Variants in MARCHF3 observed in about 807,000 individuals in gnomAD.
MARCHF3 encodes E3 ubiquitin-protein ligase MARCHF3.
MARCHF3 carries 13 observed loss-of-function variants against 24.2 expected under a neutral mutation model. That is an observed-to-expected ratio of 0.54 (90% confidence interval 0.35 to 0.85). The LOEUF is 0.85. Ranked by LOEUF, MARCHF3 falls within the 40% of genes least tolerant of loss-of-function variation. The pLI is 0.01. For missense variants in MARCHF3, 276 were observed against 325.0 expected (o/e 0.85, Z 1.16); for synonymous variants, 144 against 137.3 (o/e 1.05, Z -0.34).
chr5:126,906,561 C>G (rs1212602193), intron 3 of MARCHF3, among the ~76,000 whole-genome samples: 2 of 152,136 alleles, frequency 1.3e-5, no homozygotes, highest in African/African-American at 4.8e-5. Context: ...TGTATGTGTC[C>G]AGGAATTTAT....
chr5:126,911,031 T>C (rs777697693), intron 3 of MARCHF3, among the ~76,000 whole-genome samples: 20 of 152,226 alleles, frequency 1.3e-4, no homozygotes, highest in African/African-American at 4.6e-4. Flanking sequence ...CAGTCTCCTG[T>C]AGCACTCCCA....
chr5:126,920,279 C>A (rs1278378836), intron 1 of MARCHF3, among the ~76,000 whole-genome samples: 1 of 151,846 alleles, frequency 6.6e-6, no homozygotes, highest in African/African-American at 2.4e-5. Flanking sequence ...GCTTTCAGAC[C>A]GAAAAACAAA....
At chr5:126,928,837 T>C (rs1271070316) in intron 1 of MARCHF3, among the ~76,000 whole-genome samples, 1 of 152,238 alleles carries the variant, frequency 6.6e-6, no homozygotes, top group Non-Finnish European at 1.5e-5. Flanking sequence ...CTTTTTATTA[T>C]GATTTTAAAG....
chr5:127,025,880 C>G (rs552798936), intron 1 of MARCHF3, among the ~76,000 whole-genome samples: 2 of 152,170 alleles, frequency 1.3e-5, no homozygotes, highest in East Asian at 3.9e-4. Context: ...ACCCAAAAAG[C>G]TAAAGTGAAG....
intron 3 of MARCHF3, among the ~76,000 whole-genome samples, chr5:126,894,949 A>G (rs142960646): frequency 0.02 from 3,108 of 152,100 alleles, 81 homozygotes; most frequent in South Asian, 0.12. Flanking sequence ...AGGTACACCA[A>G]TCAGATGTAG....
At chr5:126,990,509 A>G (rs1382511897) in intron 1 of MARCHF3, among the ~76,000 whole-genome samples, 2 of 152,244 alleles carry the variant, frequency 1.3e-5, no homozygotes, top group Admixed American at 1.3e-4. Flanking sequence ...TGACTAAAAC[A>G]TCAAAAGCAA....
intron 3 of MARCHF3, among the ~76,000 whole-genome samples, chr5:126,909,363 C>T (rs6891329): frequency 0.46 from 70,018 of 152,122 alleles, 16,655 homozygotes; most frequent in East Asian, 0.65. Context: ...TCAAGCTTCC[C>T]GGCTGCTTTG....
At chr5:126,894,287 T>A (rs1454254052) in intron 3 of MARCHF3, among the ~76,000 whole-genome samples, 2 of 149,428 alleles carry the variant, frequency 1.3e-5, no homozygotes, top group African/African-American at 5.0e-5. Flanking sequence ...TTAGTCCATT[T>A]ACATTTAAAG....
At chr5:126,955,810 T>G (rs1039419514) in intron 1 of MARCHF3, among the ~76,000 whole-genome samples, 1 of 152,240 alleles carries the variant, frequency 6.6e-6, no homozygotes, top group Non-Finnish European at 1.5e-5. Context: ...GTTTTACTTC[T>G]TAGTGTAATC....
intron 1 of MARCHF3, among the ~76,000 whole-genome samples, chr5:126,963,686 A>G (rs1391697010): frequency 6.6e-6 from 1 of 152,204 alleles, no homozygotes; most frequent in Non-Finnish European, 1.5e-5. Flanking sequence ...TTAAGAAAAA[A>G]TCTGGTGGGT....
In MARCHF3 at chr5:126,941,795, A is replaced by G. The variant is rs188386011; in HGVS notation, c.-56-23568T>C. On this transcript the variant is annotated intron_variant, in intron 1 of 4. Coordinates refer to ENST00000308660, the MANE Select transcript of MARCHF3 (RefSeq NM_178450.5). ...CCCATTGCCACTGTTGTTTCCATCC[A>G]AACACTTGGCATGTGGAAGAGGCCT... Among the ~76,000 whole-genome samples, 253 of 152,340 alleles carry G rather than the reference A, an allele frequency of 1.7e-3. 4 individuals carry two copies. In the South Asian group the frequency reaches 0.025, roughly 15 times the overall value.
At chr5:126,910,039 C>A (rs1020751239) in intron 3 of MARCHF3, among the ~76,000 whole-genome samples, 1 of 152,198 alleles carries the variant, frequency 6.6e-6, no homozygotes, top group Non-Finnish European at 1.5e-5. Context: ...TATCAATCAG[C>A]TGGTTGTGTG....
intron 1 of MARCHF3, among the ~76,000 whole-genome samples, chr5:126,931,015 C>G (rs577470671): frequency 2.0e-5 from 3 of 152,262 alleles, no homozygotes; most frequent in African/African-American, 7.2e-5. Context: ...TTTGGGAAAT[C>G]GAGATGCTCA....
At chr5:127,006,750 T>A (rs1279148757) in intron 1 of MARCHF3, among the ~76,000 whole-genome samples, 3 of 152,220 alleles carry the variant, frequency 2.0e-5, no homozygotes, top group Non-Finnish European at 4.4e-5. Context: ...AAGATTTTCA[T>A]GGTCCTTTCA....
intron 1 of MARCHF3, among the ~76,000 whole-genome samples, chr5:126,928,654 T>C (rs2126802266): frequency 6.6e-6 from 1 of 152,318 alleles, no homozygotes; most frequent in African/African-American, 2.4e-5. Flanking sequence ...TAAATCCACA[T>C]ATATCTTATC....
In MARCHF3 at chr5:126,935,014, A is replaced by C. The variant is rs1580659143; in HGVS notation, c.-56-16787T>G. ...ATGGTATCATTACTTCCATATTCAG[A>C]AATATTATTAGGTGATTGAGCTTTT... is the stretch of plus-strand genomic sequence containing the variant. On this transcript the variant is annotated intron_variant, in intron 1 of 4. Coordinates refer to ENST00000308660, the MANE Select transcript of MARCHF3 (RefSeq NM_178450.5). 2.6e-5 allele frequency among the ~76,000 whole-genome samples: 4 copies of C among 152,166 alleles called. No homozygotes were observed. The East Asian group carries it at 7.7e-4, about 29-fold the overall frequency.
Position 126,867,878 on chromosome 5 carries a change from G to A in MARCHF3, c.*2755C>T, listed in dbSNP as rs901984273. ...GGGCAGGCAAGAGCATGCTGGATTTGTCTTAGTTGTTAATTCACCTTCTGG... is the reference window on the plus strand; with the variant it reads ...GGGCAGGCAAGAGCATGCTGGATTTATCTTAGTTGTTAATTCACCTTCTGG... On this transcript the variant is annotated 3_prime_UTR_variant, in exon 5 of 5. Transcript: ENST00000308660. The A allele has an allele frequency of 6.6e-6, 1 of 152,206 alleles. No individual in the cohort carries two copies. The highest frequency in any genetic ancestry group is 1.9e-4 in the East Asian group (1 of 5,196). 9.4% of individuals were successfully genotyped at this position (152,206 alleles called of 1,614,324 possible).
At chr5:126,936,979 C>T (rs78045561) in intron 1 of MARCHF3, among the ~76,000 whole-genome samples, 3,102 of 152,338 alleles carry the variant, frequency 0.02, 74 homozygotes, top group South Asian at 0.12. Context: ...CTCTTTGCCA[C>T]GCTGCAGACT....
chr5:126,924,600 A>G (rs1249908455), intron 1 of MARCHF3, among the ~76,000 whole-genome samples: 1 of 152,210 alleles, frequency 6.6e-6, no homozygotes, highest in Non-Finnish European at 1.5e-5. Flanking sequence ...AGTATCCTGA[A>G]TGTTCAGAGA....
Sources: allele counts gnomAD v4.1 joint callset (sites outside exome capture counted in the v4.1 genomes callset), GRCh38; gene constraint gnomAD v4.1.1; transcripts MANE v1.5; gene names NCBI Gene and HGNC (gene_info 2026-07-23, HGNC 2026-07-21).